CLYBL: variants seen among roughly 807,000 people sequenced by gnomAD.
CLYBL encodes citramalyl-CoA lyase.
Under a neutral mutation model 38.9 loss-of-function variants are expected in CLYBL, and 31 were observed. The ratio of observed to expected loss-of-function variants is 0.80; its 90% CI spans 0.60 to 1.08. CLYBL has a LOEUF of 1.08. Among genes scored for constraint, CLYBL ranks in the 50% least tolerant of loss-of-function variants. The pLI is 0.00. For synonymous variants in CLYBL, 171 were observed against 158.6 expected (o/e 1.08, Z -0.59); for missense variants, 434 against 411.6 (o/e 1.05, Z -0.47).
intron 1 of CLYBL, among the ~76,000 whole-genome samples, chr13:99,699,020 A>C (rs1488014772): frequency 6.6e-6 from 1 of 152,116 alleles, no homozygotes; most frequent in Non-Finnish European, 1.5e-5. Context: ...TGAAAGAGTC[A>C]TTTTTCGGAG....
intron 1 of CLYBL, among the ~76,000 whole-genome samples, chr13:99,730,474 C>T (rs568029535): frequency 7.1e-4 from 108 of 152,300 alleles, no homozygotes; most frequent in Non-Finnish European, 6.3e-4. Context: ...TACAGAACAG[C>T]TCCTGGCAGC....
At chr13:99,608,461 C>G (rs2046567680) in intron 1 of CLYBL, among the ~76,000 whole-genome samples, 2 of 152,224 alleles carry the variant, frequency 1.3e-5, no homozygotes, top group African/African-American at 2.4e-5. Context: ...ATGCATCCCA[C>G]TTTCCCATTT....
chr13:99,828,227 A>G (rs1025325325), intron 2 of CLYBL, among the ~76,000 whole-genome samples: 1 of 152,252 alleles, frequency 6.6e-6, no homozygotes, highest in Admixed American at 6.5e-5. Context: ...GAAGAGCCAC[A>G]GTTTCAGCTA....
intron 1 of CLYBL, among the ~76,000 whole-genome samples, chr13:99,634,268 T>C (rs2046988909): frequency 6.6e-6 from 1 of 152,142 alleles, no homozygotes; most frequent in Non-Finnish European, 1.5e-5. Flanking sequence ...TCCTTCAAAA[T>C]TGAAGCCCAA....
rs1210102607 is a variant in CLYBL at position 99,869,815 on chromosome 13, T to C, written c.803-1123T>C. 6.6e-6 allele frequency among the ~76,000 whole-genome samples: 1 copy of C among 152,130 alleles called. No individual in the cohort carries two copies. Among genetic ancestry groups the C allele is most frequent in the African/African-American group, 2.4e-5 (1 of 41,460 alleles). Reference sequence around the variant, plus strand: ...ATTTCAAAAGCAAAGCAAACTGATATACCAACAAATATATTCAGCAGAGTA... The same window carrying C: ...ATTTCAAAAGCAAAGCAAACTGATACACCAACAAATATATTCAGCAGAGTA... On this transcript the variant is annotated intron_variant, in intron 6 of 8. Transcript: ENST00000339105. This position sits in a 1 kb window ranked among gnomAD's most constrained non-coding sequence, Gnocchi z 4.3.
intron 6 of CLYBL, among the ~76,000 whole-genome samples, chr13:99,867,633 C>A (rs2051782294): frequency 6.6e-6 from 1 of 152,080 alleles, no homozygotes; most frequent in African/African-American, 2.4e-5. Flanking sequence ...CACATCCATG[C>A]AATTGTGCTT....
chr13:99,898,941 C>T (rs1287548762), downstream of CLYBL, among the ~76,000 whole-genome samples: 1 of 152,216 alleles, frequency 6.6e-6, no homozygotes, highest in Admixed American at 6.5e-5. Context: ...CGCCTCTCAT[C>T]CCCAGCATGA....
chr13:99,655,695 G>C (rs1198630498), intron 1 of CLYBL, among the ~76,000 whole-genome samples: 1 of 152,238 alleles, frequency 6.6e-6, no homozygotes, highest in Non-Finnish European at 1.5e-5. Flanking sequence ...GGCCTTGCTT[G>C]TGGGACCTGG....
intron 1 of CLYBL, among the ~76,000 whole-genome samples, chr13:99,616,405 A>G (rs1008576823): frequency 3.3e-5 from 5 of 152,124 alleles, no homozygotes; most frequent in Admixed American, 2.0e-4. Context: ...ACTCTAGCAC[A>G]TATATATTTG....
chr13:99,772,065 A>G (rs2049406718), intron 1 of CLYBL, among the ~76,000 whole-genome samples: 1 of 152,090 alleles, frequency 6.6e-6, no homozygotes, highest in Non-Finnish European at 1.5e-5. Context: ...TTCACCCTTT[A>G]AAAGATGTAT....
intron 1 of CLYBL, among the ~76,000 whole-genome samples, chr13:99,710,230 A>G (rs2048209957): frequency 6.6e-6 from 1 of 151,972 alleles, no homozygotes; most frequent in Non-Finnish European, 1.5e-5. Flanking sequence ...CCTATTTTTA[A>G]ATGGTGACTT....
intron 1 of CLYBL, among the ~76,000 whole-genome samples, chr13:99,692,735 A>T (rs1194342126): frequency 6.6e-6 from 1 of 151,936 alleles, no homozygotes; most frequent in Non-Finnish European, 1.5e-5. Context: ...CTCCCTATGC[A>T]CCCCTCTTCC....
chr13:99,697,747 A>G (rs1227220740), intron 1 of CLYBL, among the ~76,000 whole-genome samples: 1 of 148,668 alleles, frequency 6.7e-6, no homozygotes, highest in Non-Finnish European at 1.5e-5. Flanking sequence ...CCTGGGTTCA[A>G]GCAGATCTCA....
At chr13:99,632,719 T>TG (rs2139238624) in intron 1 of CLYBL, among the ~76,000 whole-genome samples, 1 of 152,088 alleles carries the variant, frequency 6.6e-6, no homozygotes, top group Admixed American at 6.6e-5. Flanking sequence ...CACTCCAGCC[T>TG]GGTGACAGAG....
intron 1 of CLYBL, among the ~76,000 whole-genome samples, chr13:99,749,958 C>T (rs2048924555): frequency 6.6e-6 from 1 of 152,118 alleles, no homozygotes; most frequent in African/African-American, 2.4e-5. Context: ...GGTGTAAATA[C>T]CTAGTTATTA....
At chr13:99,675,334 G>A (rs1473324724) in intron 1 of CLYBL, among the ~76,000 whole-genome samples, 1 of 152,114 alleles carries the variant, frequency 6.6e-6, no homozygotes, top group African/African-American at 2.4e-5. Flanking sequence ...TATACTTTAT[G>A]TGTCTATATC....
chr13:99,733,863 C>G (rs1388912506), intron 1 of CLYBL, among the ~76,000 whole-genome samples: 3 of 152,226 alleles, frequency 2.0e-5, no homozygotes, highest in Admixed American at 2.0e-4. Context: ...TTCAGCTTTT[C>G]TGTCCCATGA....
At chr13:99,787,674 G>A (rs2049825944) in intron 2 of CLYBL, among the ~76,000 whole-genome samples, 1 of 152,176 alleles carries the variant, frequency 6.6e-6, no homozygotes, top group Non-Finnish European at 1.5e-5. Flanking sequence ...GATTGACTTG[G>A]CGATGCGGAT....
At chr13:99,806,825 G>T (rs76012546) in intron 2 of CLYBL, among the ~76,000 whole-genome samples, 1,714 of 152,344 alleles carry the variant, frequency 0.011, 17 homozygotes, top group Non-Finnish European at 0.019. Flanking sequence ...GAGCTGCTGG[G>T]AGTTGGAAGT....
Sources: allele counts gnomAD v4.1 joint callset (sites outside exome capture counted in the v4.1 genomes callset), GRCh38; gene constraint gnomAD v4.1.1; non-coding constraint Gnocchi (gnomAD v3.1); transcripts MANE v1.5; gene names NCBI Gene and HGNC (gene_info 2026-07-23, HGNC 2026-07-21).